Variants in VRTN observed in about 807,000 individuals in gnomAD.
VRTN encodes the protein vertnin.
VRTN carries 5 observed loss-of-function variants against 18.2 expected under a neutral mutation model. That is an observed-to-expected ratio of 0.27 (90% CI 0.14 to 0.58). The LOEUF (loss-of-function observed/expected upper bound fraction) is 0.58, where lower values mean the gene tolerates loss of function less well. VRTN is among the 20% of genes least tolerant of loss of function. The pLI, the probability that VRTN is intolerant of heterozygous loss-of-function variation, is 0.91. For missense variants in VRTN, 741 were observed against 939.4 expected (o/e 0.79, Z 2.76); for synonymous variants, 381 against 393.7 (o/e 0.97, Z 0.38).
chr14:74,327,543 G>A (rs2085495690), intron 1 of VRTN, among the ~76,000 whole-genome samples: 1 of 152,070 alleles, frequency 6.6e-6, no homozygotes. Context: ...CGTAGAGCAG[G>A]ACAGGCCAGG....
intron 1 of VRTN, among the ~76,000 whole-genome samples, chr14:74,313,911 G>A (rs2085403549): frequency 6.6e-6 from 1 of 152,128 alleles, no homozygotes; most frequent in Non-Finnish European, 1.5e-5. Context: ...TCCAACCTGG[G>A]CAACAGAGCG....
intron 1 of VRTN, among the ~76,000 whole-genome samples, chr14:74,337,360 C>A (rs956082104): frequency 6.6e-6 from 1 of 151,300 alleles, no homozygotes. Context: ...AAAAAACAAA[C>A]AAAAACAAAC....
chr14:74,358,149 C>A lies in VRTN; in HGVS notation c.1366C>A (p.Leu456Ile). The A allele has an allele frequency of 1.9e-6, 3 of 1,614,138 alleles. No homozygotes were observed. Among genetic ancestry groups the A allele is most frequent in the Non-Finnish European group, 2.5e-6 (3 of 1,180,042 alleles). ...RNPSFKPAPALSAAGTPQLAS... is the reference protein window; with the variant it reads ...RNPSFKPAPAISAAGTPQLAS... ...CCCCAGCTTCAAGCCGGCACCAGCC[C>A]TCTCTGCTGCTGGGACTCCCCAGCT... Residue 456 changes from leucine (L) to isoleucine (I), a missense_variant, in exon 2 of 2, where the codon CTC becomes ATC. Physicochemically the swap from Leu to Ile is conservative, Grantham distance 5 (BLOSUM62 2). Transcript: ENST00000256362. The surrounding 1 kb of genome is among the most constrained non-coding windows in gnomAD (Gnocchi z 5.4).
Position 74,359,210 on chromosome 14 carries a change from C to T in VRTN, c.*318C>T, listed in dbSNP as rs1175408641. ...TGGCCCCCTTGCTGGAGTTGGAAGC[C>T]GTATGTATGTCAGGGGGTTTAGAGG... On this transcript the variant is annotated 3_prime_UTR_variant, in exon 2 of 2. Transcript: ENST00000256362. 1.7e-5 allele frequency: 5 copies of T among 286,254 alleles called. No individual in the cohort carries two copies. The highest frequency in any genetic ancestry group is 4.9e-5 in the Admixed American group (1 of 20,518). The allele number at this position is 286,254 out of a possible 1,614,324, so 17.7% of individuals were successfully genotyped here.
chr14:74,322,441 C>T (rs2140197446), intron 1 of VRTN, among the ~76,000 whole-genome samples: 1 of 152,304 alleles, frequency 6.6e-6, no homozygotes, highest in East Asian at 1.9e-4. Context: ...TGAGCCACTG[C>T]ACCTGGCCTA....
chr14:74,332,396 T>C (rs2085533813), intron 1 of VRTN, among the ~76,000 whole-genome samples: 1 of 134,702 alleles, frequency 7.4e-6, no homozygotes, highest in Non-Finnish European at 1.5e-5. Context: ...TTTGCTGTTG[T>C]TGCCCAGGCT....
At chr14:74,340,194 C>T (rs977225236) in intron 2 of VRTN, among the ~76,000 whole-genome samples, 1 of 150,624 alleles carries the variant, frequency 6.6e-6, no homozygotes, top group Non-Finnish European at 1.5e-5. Context: ...CTCACCGCAA[C>T]CTCCGCCTCC....
chr14:74,311,923 C>G (rs141403298), intron 1 of VRTN, among the ~76,000 whole-genome samples: 175 of 151,822 alleles, frequency 1.2e-3, no homozygotes, highest in African/African-American at 4.2e-3. Context: ...CATCCGCCAC[C>G]ATGCCTGGAT....
intron 1 of VRTN, among the ~76,000 whole-genome samples, chr14:74,322,309 C>A (rs960152537): frequency 2.6e-5 from 4 of 151,948 alleles, no homozygotes; most frequent in Non-Finnish European, 4.4e-5. Context: ...ACCATCAGGT[C>A]CAGCTAATTT....
At chr14:74,329,419 T>TTTTG (rs369068737) in intron 1 of VRTN, among the ~76,000 whole-genome samples, 219 of 151,326 alleles carry the variant, frequency 1.4e-3, no homozygotes, top group African/African-American at 4.5e-3. Flanking sequence ...TAGCTAGTGG[T>TTTTG]TTTGTTTGTT....
chr14:74,352,437 A>G (rs914705345), intron 1 of VRTN, among the ~76,000 whole-genome samples: 6 of 152,200 alleles, frequency 3.9e-5, no homozygotes, highest in African/African-American at 9.7e-5. Flanking sequence ...TCAGCCTCCC[A>G]AAGTGCTGGG....
chr14:74,326,686 T>C (rs1378531878), intron 1 of VRTN, among the ~76,000 whole-genome samples: 1 of 152,030 alleles, frequency 6.6e-6, no homozygotes, highest in Non-Finnish European at 1.5e-5. Flanking sequence ...CTGGGGCCCC[T>C]TCCCTGGACT....
upstream of VRTN, among the ~76,000 whole-genome samples, chr14:74,343,802 A>G (rs1319710794): frequency 6.6e-6 from 1 of 151,870 alleles, no homozygotes; most frequent in African/African-American, 2.4e-5. Context: ...ACATCGCATT[A>G]ATTTTTTTTT....
chr14:74,351,859 T>C (rs1331630875), intron 1 of VRTN, among the ~76,000 whole-genome samples: 1 of 152,144 alleles, frequency 6.6e-6, no homozygotes, highest in Non-Finnish European at 1.5e-5. Flanking sequence ...GTACTTTTTT[T>C]TTTGAGACGG....
At chr14:74,326,737 T>G (rs1204290456) in intron 1 of VRTN, among the ~76,000 whole-genome samples, 1 of 151,990 alleles carries the variant, frequency 6.6e-6, no homozygotes, top group African/African-American at 2.4e-5. Context: ...GGAGCCGAGC[T>G]CCACACCACA....
In VRTN at chr14:74,358,668, G is replaced by A; in HGVS notation, c.1885G>A (p.Val629Met). 1.9e-6 allele frequency: 3 copies of A among 1,613,004 alleles called. No homozygotes were observed. The highest frequency in any genetic ancestry group is 2.2e-5 in the East Asian group (1 of 44,886). The change falls in exon 2 of 2, where the codon GTG (valine) becomes ATG (methionine). Residue 629 changes from valine to methionine, a missense_variant. Around this residue, in one of 3 missense-constraint regions of VRTN, gnomAD observed 61 missense variants for 104.6 expected, o/e 0.58. Transcript: ENST00000256362. The surrounding 1 kb of genome is among the most constrained non-coding windows in gnomAD (Gnocchi z 5.4). ...CAGTGGGCCCTTGCTGAGCCAACCT[G>A]TGGTGGCAGCAGCGGGTGGCAGGGA... ...PHSGPLLSQPVVAAAGGRDGR... is the reference protein window; with the variant it reads ...PHSGPLLSQPMVAAAGGRDGR...
At chr14:74,325,996 A>T (rs1298840396) in intron 1 of VRTN, among the ~76,000 whole-genome samples, 2 of 152,126 alleles carry the variant, frequency 1.3e-5, no homozygotes, top group Non-Finnish European at 2.9e-5. Context: ...AAACTCTGAG[A>T]AGTAGGAACA....
At chr14:74,324,238 G>A (rs372199666) in intron 1 of VRTN, among the ~76,000 whole-genome samples, 24 of 151,146 alleles carry the variant, frequency 1.6e-4, no homozygotes, top group African/African-American at 5.6e-4. Context: ...AATACAAAAA[G>A]TTAGCTGAGC....
intron 1 of VRTN, among the ~76,000 whole-genome samples, chr14:74,307,469 G>A (rs1403306903): frequency 6.6e-6 from 1 of 151,934 alleles, no homozygotes; most frequent in South Asian, 2.1e-4. Flanking sequence ...TGGTGCTCTT[G>A]AAGGCCAAAA....
Sources: allele counts gnomAD v4.1 joint callset (sites outside exome capture counted in the v4.1 genomes callset), GRCh38; gene constraint gnomAD v4.1.1; regional missense constraint gnomAD v4.1.1; non-coding constraint Gnocchi (gnomAD v3.1); transcripts MANE v1.5; gene names NCBI Gene and HGNC (gene_info 2026-07-23, HGNC 2026-07-21).